Variants in ITCH observed in about 807,000 individuals in gnomAD.
ITCH encodes itchy E3 ubiquitin protein ligase, also known as E3 ubiquitin-protein ligase Itchy homolog.
Under a neutral mutation model 126.8 loss-of-function variants are expected in ITCH, and 28 were observed. The ratio of observed to expected loss-of-function variants is 0.22; its 90% CI spans 0.16 to 0.30. The LOEUF (loss-of-function observed/expected upper bound fraction) is 0.30, where lower values mean the gene tolerates loss of function less well. ITCH is among the 10% of genes least tolerant of loss of function. The pLI, the probability that ITCH is intolerant of heterozygous loss-of-function variation, is 1.00. For synonymous variants in ITCH, 342 were observed against 340.0 expected (o/e 1.01, Z -0.06); for missense variants, 631 against 1,032.4 (o/e 0.61, Z 5.33).
chr20:34,499,453 A>G (rs566725471), intron 23 of ITCH, among the ~76,000 whole-genome samples: 2 of 151,260 alleles, frequency 1.3e-5, no homozygotes, highest in South Asian at 2.1e-4. Context: ...CCAGGAATGT[A>G]TCAATTTCCA....
At chr20:34,387,684 T>C (rs1169019770) in intron 2 of ITCH, among the ~76,000 whole-genome samples, 1 of 147,024 alleles carries the variant, frequency 6.8e-6, no homozygotes, top group Non-Finnish European at 1.5e-5. Flanking sequence ...GGTAATAGAG[T>C]TTTAAAATAT....
Position 34,481,137 on chromosome 20 carries a change from A to G in ITCH, c.2024A>G (p.Lys675Arg). Reference protein sequence around the residue: ...SVDKEILGEIKSHDLKPNGGN... With the variant: ...SVDKEILGEIRSHDLKPNGGN... ...GACAAAGAAATTCTAGGTGAAATTAAGAGTCATGATCTGAAACCTAATGGT... is the reference window on the plus strand; with the variant it reads ...GACAAAGAAATTCTAGGTGAAATTAGGAGTCATGATCTGAAACCTAATGGT... Residue 675 changes from lysine to arginine, a missense_variant, in exon 20 of 25, where the codon AAG becomes AGG. By Grantham distance (26) the Lys-to-Arg change is conservative. Transcript: ENST00000374864. The G allele has an allele frequency of 2.5e-6, 4 of 1,613,206 alleles. No individual in the cohort carries two copies. The highest frequency in any genetic ancestry group is 1.1e-5 in the South Asian group (1 of 91,068).
chr20:34,419,504 C>T (rs113335714), intron 6 of ITCH, among the ~76,000 whole-genome samples: 8 of 148,950 alleles, frequency 5.4e-5, no homozygotes, highest in East Asian at 2.0e-4. Context: ...TTTTTTGAGA[C>T]GGAGTCTTCC....
intron 7 of ITCH, among the ~76,000 whole-genome samples, chr20:34,431,640 A>G (rs1982306628): frequency 6.6e-6 from 1 of 152,246 alleles, no homozygotes; most frequent in African/African-American, 2.4e-5. Flanking sequence ...ACCTATATTT[A>G]GTGGATGGTA....
chr20:34,469,095 T>C (rs920106809), intron 14 of ITCH, among the ~76,000 whole-genome samples: 2 of 152,204 alleles, frequency 1.3e-5, no homozygotes, highest in Non-Finnish European at 2.9e-5. Context: ...AAAATTCTTC[T>C]GTCTTTTCTA....
intron 23 of ITCH, among the ~76,000 whole-genome samples, chr20:34,499,274 T>C (rs1327012231): frequency 8.2e-5 from 8 of 98,124 alleles, no homozygotes; most frequent in African/African-American, 3.5e-4. Flanking sequence ...GTGCCCAGCT[T>C]TTTTTTTTTT....
chr20:34,461,982 A>T (rs953508363), intron 13 of ITCH, 111 bp from the exon 14 acceptor site: 1 of 1,062,852 alleles, frequency 9.4e-7, no homozygotes, highest in African/African-American at 1.6e-5. Context: ...TACTGAACTG[A>T]ATGGTTTTCT....
chr20:34,448,115 C>A (rs1251860504), intron 11 of ITCH, among the ~76,000 whole-genome samples: 1 of 152,122 alleles, frequency 6.6e-6, no homozygotes, highest in East Asian at 1.9e-4. Context: ...GTCAGCCTGG[C>A]GCGGTGGCTC....
chr20:34,401,678 T>G lies in ITCH; in HGVS notation c.71-6973T>G, dbSNP rs542806298. 9.4e-6 allele frequency: 9 copies of G among 960,762 alleles called. No homozygotes were observed. The East Asian group carries it at 5.8e-4, about 62-fold the overall frequency. 59.5% of individuals were successfully genotyped at this position (960,762 alleles called of 1,614,324 possible). A position where few individuals can be genotyped will look rare whatever the true frequency, so the allele number is the denominator to read the frequency against. Reference sequence around the variant, plus strand: ...AGTAGACTGTGGAATCAATCGGTCCTCCTCACCTTAAGGGCCATCCACTGG... The same window carrying G: ...AGTAGACTGTGGAATCAATCGGTCCGCCTCACCTTAAGGGCCATCCACTGG... On this transcript the variant is annotated intron_variant, in intron 3 of 24. Coordinates refer to ENST00000374864, the MANE Select transcript of ITCH (RefSeq NM_031483.7).
chr20:34,371,495 G>C (rs1237387024), intron 2 of ITCH, among the ~76,000 whole-genome samples: 1 of 151,630 alleles, frequency 6.6e-6, no homozygotes, highest in African/African-American at 2.4e-5. Flanking sequence ...CATTGGCCAG[G>C]CTGCTCTTGA....
chr20:34,474,696 G>T (rs184053218), intron 16 of ITCH, among the ~76,000 whole-genome samples: 1 of 152,190 alleles, frequency 6.6e-6, no homozygotes, highest in African/African-American at 2.4e-5. Flanking sequence ...CCCAGACGGG[G>T]TGGTGGCCTG....
At chr20:34,490,384 A>G (rs1989423686) in intron 22 of ITCH, among the ~76,000 whole-genome samples, 1 of 152,172 alleles carries the variant, frequency 6.6e-6, no homozygotes, top group African/African-American at 2.4e-5. Context: ...TCAAAACCAC[A>G]GTGAGGCTGG....
chr20:34,436,775 C>T (rs1983055576), intron 7 of ITCH, among the ~76,000 whole-genome samples: 1 of 152,182 alleles, frequency 6.6e-6, no homozygotes, highest in Non-Finnish European at 1.5e-5. Flanking sequence ...TTAAAGACCA[C>T]ACTTTGAATA....
chr20:34,378,471 C>CAAAAAAAA (rs35400213), intron 2 of ITCH, among the ~76,000 whole-genome samples: 2 of 48,672 alleles, frequency 4.1e-5, no homozygotes, highest in African/African-American at 8.3e-5. Context: ...AACTCTGTCT[C>CAAAAAAAA]AAAAAAAAAA....
intron 2 of ITCH, among the ~76,000 whole-genome samples, chr20:34,377,160 G>A (rs966073238): frequency 1.3e-4 from 20 of 152,058 alleles, no homozygotes; most frequent in African/African-American, 4.8e-4. Flanking sequence ...GATCACTTGA[G>A]GCTGGAGTTT....
intron 20 of ITCH, among the ~76,000 whole-genome samples, chr20:34,483,923 A>T (rs1015094952): frequency 6.6e-6 from 1 of 152,314 alleles, no homozygotes; most frequent in South Asian, 2.1e-4. Flanking sequence ...GGCAAGGAGG[A>T]GCAAGGCATG....
At chr20:34,478,869 T>G (rs1476423436) in intron 17 of ITCH, among the ~76,000 whole-genome samples, 2 of 152,184 alleles carry the variant, frequency 1.3e-5, no homozygotes, top group African/African-American at 4.8e-5. Flanking sequence ...CATTCATTCC[T>G]AATAAGAAAA....
At chr20:34,503,868 TG>T (rs112448328) in intron 23 of ITCH, among the ~76,000 whole-genome samples, 19 of 109,592 alleles carry the variant, frequency 1.7e-4, no homozygotes, top group African/African-American at 3.0e-4. Context: ...TTTTTTTTTT[TG>T]GTTTTTTTTT....
chr20:34,453,562 A>G (rs1158734558), intron 12 of ITCH, among the ~76,000 whole-genome samples: 2 of 152,200 alleles, frequency 1.3e-5, no homozygotes, highest in African/African-American at 4.8e-5. Flanking sequence ...GTATCACTGC[A>G]CTCCAGCCTG....
Sources: allele counts gnomAD v4.1 joint callset (sites outside exome capture counted in the v4.1 genomes callset), GRCh38; gene constraint gnomAD v4.1.1; transcripts MANE v1.5; gene names NCBI Gene and HGNC (gene_info 2026-07-23, HGNC 2026-07-21).